NUP153: variants seen among roughly 807,000 people sequenced by gnomAD.
NUP153 encodes nucleoporin 153.
Under a neutral mutation model 134.6 loss-of-function variants are expected in NUP153, and 27 were observed. That is an observed-to-expected ratio of 0.20 (90% CI 0.15 to 0.28). NUP153 has a LOEUF of 0.28. NUP153 is among the 10% of genes least tolerant of loss of function. The probability of loss-of-function intolerance (pLI) is 1.00; values close to 1 mark genes in which losing one functional copy is unlikely to be tolerated. For synonymous variants in NUP153, 640 were observed against 623.5 expected, an observed-to-expected ratio of 1.03 and a Z score of -0.40; for missense variants, 1,821 against 1,731.3, an observed-to-expected ratio of 1.05 and a Z score of -0.92.
chr6:17,640,287 G>A (rs1452193265), intron 14 of NUP153, among the ~76,000 whole-genome samples: 2 of 151,832 alleles, frequency 1.3e-5, no homozygotes, highest in Non-Finnish European at 2.9e-5. Context: ...CCAATAAAAA[G>A]GCAAAAAAAT....
chr6:17,649,292 T>C lies in NUP153; in HGVS notation c.1404A>G (p.Glu468=). 8 of 1,610,296 alleles carry C rather than the reference T, an allele frequency of 5.0e-6. No homozygotes were observed. Among genetic ancestry groups the C allele is most frequent in the Non-Finnish European group, 6.8e-6 (8 of 1,178,956 alleles). The change falls in exon 12 of 22, where the codon GAA becomes GAG. Residue 468 remains glutamate (E), a synonymous_variant. Coordinates refer to ENST00000262077, the MANE Select transcript of NUP153 (RefSeq NM_005124.4). Reference sequence around the variant, plus strand: ...GAGAGATTTTCGGTAATACTGGAACTTCCATTTCCTAAAACATAACATGTT... The same window carrying C: ...GAGAGATTTTCGGTAATACTGGAACCTCCATTTCCTAAAACATAACATGTT... ...ASKPLEEEEM[E]VPVLPKISLP...
In NUP153 at chr6:17,629,166, T is replaced by G. The variant is rs1390135903; in HGVS notation, c.3033A>C (p.Lys1011Asn). The G allele has an allele frequency of 6.2e-7, 1 of 1,613,180 alleles. No homozygotes were observed. Among genetic ancestry groups the G allele is most frequent in the Admixed American group, 1.7e-5 (1 of 59,778 alleles). ...CAGAGGAAGATTTGGGCAGTTCCTC[T>G]TTCTTTTCTTCCTGTCCAAGATTAG... ...GVSNLGQEEK[K>N]EELPKSSSAG... Residue 1011 changes from lysine to asparagine, a missense_variant, in exon 18 of 22, where the codon AAA becomes AAC. Lys to Asn is a moderately conservative substitution (Grantham distance 94). Transcript: ENST00000262077.
In NUP153 at chr6:17,632,798, C is replaced by G. The variant is rs1364266997; in HGVS notation, c.2511G>C (p.Leu837=). 1 of 1,543,226 alleles carries G rather than the reference C, an allele frequency of 6.5e-7. No individual in the cohort carries two copies. The highest frequency in any genetic ancestry group is 1.1e-5 in the South Asian group (1 of 90,144). ...ASSSSTVPVS[L]PSGGSLGLEK... ...CCAATCCTAGAGAGCCTCCAGAAGG[C>G]AGAGAGACAGGTACAGTGCTGCTAC... The change falls in exon 17 of 22, where the codon CTG becomes CTC. Residue 837 remains leucine, a synonymous_variant. Coordinates refer to ENST00000262077, the MANE Select transcript of NUP153 (RefSeq NM_005124.4).
At chr6:17,632,543 AAG>A (rs1324606834) in intron 17 of NUP153, 105 bp downstream of exon 17, 4 of 738,622 alleles carry the variant, frequency 5.4e-6, no homozygotes, top group African/African-American at 5.3e-5. Context: ...ATTAATTTTC[AAG>A]AGAGAATGAG....
chr6:17,662,491 G>A (rs1226117123), intron 9 of NUP153, among the ~76,000 whole-genome samples: 1 of 152,160 alleles, frequency 6.6e-6, no homozygotes, highest in Non-Finnish European at 1.5e-5. Context: ...TTACAGGGCT[G>A]GGGCAGGAAA....
Position 17,629,393 on chromosome 6 carries a change from C to T in NUP153, c.2806G>A (p.Val936Met), listed in dbSNP as rs201676381. 2 of 1,613,932 alleles carry T rather than the reference C, an allele frequency of 1.2e-6. No individual in the cohort carries two copies. Among genetic ancestry groups the T allele is most frequent in the Non-Finnish European group, 1.7e-6 (2 of 1,179,974 alleles). The stretch of plus-strand genomic sequence containing the variant: ...TTTATAGACCCAGAATCGGATGACA[C>T]ACCTATTTTGAATCCTCCCTGATCT... ...FGDQGGFKIGVSSDSGSINPM... is the reference protein window; with the variant it reads ...FGDQGGFKIGMSSDSGSINPM... The change falls in exon 18 of 22, where the codon GTG becomes ATG. Residue 936 changes from valine to methionine, a missense_variant. Transcript: ENST00000262077.
At chr6:17,662,439 C>T (rs1767246534) in intron 9 of NUP153, among the ~76,000 whole-genome samples, 1 of 152,114 alleles carries the variant, frequency 6.6e-6, no homozygotes, top group South Asian at 2.1e-4. Flanking sequence ...AGAATTAATA[C>T]TTCCACTGAA....
At chr6:17,663,948 A>AC (rs1338043768) in intron 9 of NUP153, among the ~76,000 whole-genome samples, 5 of 152,070 alleles carry the variant, frequency 3.3e-5, no homozygotes, top group East Asian at 3.9e-4. Context: ...ACAAACACAC[A>AC]AAAAAACACT....
rs187706780 is a variant in NUP153, at chr6:17,675,088, T to C, written c.724-55A>G. ...GCCATATGAACCCAGGAGGTGGAGGTTGCAGTGAGTTAAGATCATGCTGCT... is the reference window on the plus strand; with the variant it reads ...GCCATATGAACCCAGGAGGTGGAGGCTGCAGTGAGTTAAGATCATGCTGCT... On this transcript the variant is annotated intron_variant, in intron 4 of 21. Coordinates refer to ENST00000262077, the MANE Select transcript of NUP153 (RefSeq NM_005124.4). This position sits in a 1 kb window ranked among gnomAD's most constrained non-coding sequence, Gnocchi z 4.4. 3.4e-5 allele frequency: 54 copies of C among 1,597,866 alleles called. No homozygotes were observed. Among genetic ancestry groups the C allele is most frequent in the African/African-American group, 5.4e-5 (4 of 74,270 alleles).
At chr6:17,670,095 C>CA (rs71002244) in intron 5 of NUP153, among the ~76,000 whole-genome samples, 3,475 of 65,032 alleles carry the variant, frequency 0.053, 137 homozygotes, top group African/African-American at 0.1. Flanking sequence ...GACTCTTTCT[C>CA]AAAAAAAAAA....
At chr6:17,666,333 A>G (rs1240857165) in intron 8 of NUP153, among the ~76,000 whole-genome samples, 1 of 151,860 alleles carries the variant, frequency 6.6e-6, no homozygotes, top group Admixed American at 6.6e-5. Flanking sequence ...CCTGGCCAAC[A>G]TGGTGAAAAC....
At chr6:17,673,162 T>A (rs894051770) in intron 5 of NUP153, among the ~76,000 whole-genome samples, 21 of 151,994 alleles carry the variant, frequency 1.4e-4, no homozygotes, top group African/African-American at 4.8e-4. Context: ...AGGTCAAGAG[T>A]TCGAGACCAG....
Position 17,639,923 on chromosome 6 carries a change from C to T in NUP153, c.1846+16G>A. 1 of 1,591,788 alleles carries T rather than the reference C, an allele frequency of 6.3e-7. No homozygotes were observed. The highest frequency in any genetic ancestry group is 8.5e-7 in the Non-Finnish European group (1 of 1,172,870). On this transcript the variant is annotated intron_variant, in intron 15 of 21. Coordinates refer to ENST00000262077, the MANE Select transcript of NUP153 (RefSeq NM_005124.4). ...ATGAGTTTGTAATCAAAAGGCTTATCTTTTAATTATCTTACCAGGGCTTTT... is the reference window on the plus strand; with the variant it reads ...ATGAGTTTGTAATCAAAAGGCTTATTTTTTAATTATCTTACCAGGGCTTTT...
chr6:17,653,576 T>G lies in NUP153; in HGVS notation c.1396-4276A>C, dbSNP rs754981021. Among the ~76,000 whole-genome samples the G allele has an allele frequency of 2.1e-4, 32 of 152,286 alleles. 1 individual carries two copies. Among genetic ancestry groups the G allele is most frequent in the Non-Finnish European group, 3.5e-4 (24 of 68,030 alleles). On this transcript the variant is annotated intron_variant, in intron 11 of 21. Coordinates refer to ENST00000262077, the MANE Select transcript of NUP153 (RefSeq NM_005124.4). ...GGTATTTACCCCAGAGAAATAAATT[T>G]ATTTACGAAAAGACCTGAACAAGAA...
rs570412120 is a variant in NUP153, at chr6:17,692,287, T to C, written c.112-3669A>G. Among the ~76,000 whole-genome samples, 115 of 152,318 alleles carry C rather than the reference T, an allele frequency of 7.5e-4. 2 individuals are homozygous for C. The South Asian group carries it at 0.023, about 30-fold the overall frequency. On this transcript the variant is annotated intron_variant, in intron 1 of 21. Transcript: ENST00000262077. ...CTAGTCTCAGCCCAGAAGAGCTTAA[T>C]AGAGGAACAGTGAGACAGAGACATT... is the stretch of plus-strand genomic sequence containing the variant.
intron 14 of NUP153, among the ~76,000 whole-genome samples, chr6:17,645,079 C>T (rs1766076967): frequency 6.6e-6 from 1 of 150,832 alleles, no homozygotes; most frequent in South Asian, 2.1e-4. Context: ...AACAAGGCTC[C>T]GTCTCACAAT....
chr6:17,628,815 C>T lies in NUP153; in HGVS notation c.3384G>A (p.Lys1128=), dbSNP rs767460551. The T allele has an allele frequency of 6.2e-7, 1 of 1,614,162 alleles. No homozygotes were observed. The highest frequency in any genetic ancestry group is 8.5e-7 in the Non-Finnish European group (1 of 1,180,022). The part of the protein sequence containing the change: ...FGKKADNEEP[K]CQPVFSFGNS... ...TCCCAAAGGAAAACACTGGTTGACA[C>T]TTTGGCTCTTCATTGTCAGCTTTCT... The change falls in exon 18 of 22, where the codon AAG becomes AAA. Residue 1128 remains lysine, a synonymous_variant. Transcript: ENST00000262077. The surrounding 1 kb of genome is among the most constrained non-coding windows in gnomAD (Gnocchi z 5.4).
intron 16 of NUP153, among the ~76,000 whole-genome samples, chr6:17,633,363 C>T (rs1185636048): frequency 6.6e-6 from 1 of 152,218 alleles, no homozygotes; most frequent in African/African-American, 2.4e-5. Context: ...CACAGAAGTG[C>T]ATCTACTTCA....
At chr6:17,689,252 T>C (rs1464146106) in intron 1 of NUP153, among the ~76,000 whole-genome samples, 1 of 151,080 alleles carries the variant, frequency 6.6e-6, no homozygotes, top group African/African-American at 2.5e-5. Flanking sequence ...CAGGGCATGG[T>C]GGCGCATGCC....
Sources: allele counts gnomAD v4.1 joint callset (sites outside exome capture counted in the v4.1 genomes callset), GRCh38; gene constraint gnomAD v4.1.1; non-coding constraint Gnocchi (gnomAD v3.1); transcripts MANE v1.5; gene names NCBI Gene and HGNC (gene_info 2026-07-23, HGNC 2026-07-21).